Variants in NEGR1 observed in about 807,000 individuals in gnomAD.
NEGR1 encodes IgLON family member 4.
A neutral mutation model predicts 40.9 loss-of-function variants in NEGR1; 10 were observed. That is an observed-to-expected ratio of 0.24 (90% CI 0.15 to 0.42). The LOEUF is 0.42. NEGR1 is among the 10% of genes least tolerant of loss of function. The pLI is 1.00. For synonymous variants in NEGR1, 185 were observed against 166.8 expected, an observed-to-expected ratio of 1.11 and a Z score of -0.84; for missense variants, 352 against 438.9, an observed-to-expected ratio of 0.80 and a Z score of 1.77.
intron 1 of NEGR1, among the ~76,000 whole-genome samples, chr1:72,138,220 C>A (rs1257978715): frequency 6.7e-6 from 1 of 149,684 alleles, no homozygotes; most frequent in Non-Finnish European, 1.5e-5. Context: ...TTAGTTCATA[C>A]AACTAATTAT....
At chr1:72,214,451 T>C (rs529904526) in intron 1 of NEGR1, among the ~76,000 whole-genome samples, 2 of 152,230 alleles carry the variant, frequency 1.3e-5, no homozygotes, top group East Asian at 3.9e-4. Context: ...AACATGATTG[T>C]ATATTTAGAA....
chr1:71,449,912 A>G (rs1267769320), intron 6 of NEGR1, among the ~76,000 whole-genome samples: 1 of 151,954 alleles, frequency 6.6e-6, no homozygotes, highest in Non-Finnish European at 1.5e-5. Context: ...ATAAGCCAGG[A>G]ATTTTTTAAT....
At chr1:71,479,669 T>C (rs1032365319) in intron 6 of NEGR1, among the ~76,000 whole-genome samples, 1 of 151,986 alleles carries the variant, frequency 6.6e-6, no homozygotes, top group Non-Finnish European at 1.5e-5. Flanking sequence ...CCCAGTCTAA[T>C]TGAGTTATGG....
intron 2 of NEGR1, among the ~76,000 whole-genome samples, chr1:71,837,543 G>A (rs896097554): frequency 6.6e-6 from 1 of 151,968 alleles, no homozygotes; most frequent in Non-Finnish European, 1.5e-5. Context: ...ATTCAGTCAC[G>A]TTTGTTGCCC....
At chr1:72,072,403 G>A (rs1412119863) in intron 1 of NEGR1, among the ~76,000 whole-genome samples, 1 of 152,020 alleles carries the variant, frequency 6.6e-6, no homozygotes, top group African/African-American at 2.4e-5. Flanking sequence ...CCGGGGGACA[G>A]CTCTTAAAAT....
chr1:72,111,845 T>G (rs2100269846), intron 1 of NEGR1, among the ~76,000 whole-genome samples: 1 of 151,962 alleles, frequency 6.6e-6, no homozygotes, highest in South Asian at 2.1e-4. Flanking sequence ...TCCAATTTCC[T>G]GAAATATTTG....
intron 1 of NEGR1, among the ~76,000 whole-genome samples, chr1:72,066,851 G>C (rs114509423): frequency 1.3e-5 from 2 of 152,044 alleles, no homozygotes; most frequent in East Asian, 3.9e-4. Flanking sequence ...CACTGACCGA[G>C]TCAAAAATTT....
chr1:71,731,958 C>T (rs1229743043), intron 3 of NEGR1, among the ~76,000 whole-genome samples: 1 of 152,126 alleles, frequency 6.6e-6, no homozygotes, highest in African/African-American at 2.4e-5. Context: ...TGTGGAGATA[C>T]TAATTGACTC....
At chr1:72,044,797 T>A (rs1383944629) in intron 1 of NEGR1, among the ~76,000 whole-genome samples, 5 of 151,864 alleles carry the variant, frequency 3.3e-5, no homozygotes, top group African/African-American at 1.2e-4. Context: ...ATCAGATGTA[T>A]TTTTCTTTTA....
At chr1:71,787,199 GA>G (rs1214060048) in intron 2 of NEGR1, among the ~76,000 whole-genome samples, 2 of 152,124 alleles carry the variant, frequency 1.3e-5, no homozygotes, top group Non-Finnish European at 2.9e-5. Context: ...GTTTTTAAAA[GA>G]ATAAAGAAAA....
chr1:72,282,196 G>A, intron 1 of NEGR1, 123 bp downstream of exon 1: 2 of 1,150,506 alleles, frequency 1.7e-6, no homozygotes, highest in Non-Finnish European at 2.4e-6. Context: ...TTCTTGGGAT[G>A]TGGTCTTTCC....
chr1:71,421,909 T>G (rs1280925558), intron 6 of NEGR1, among the ~76,000 whole-genome samples: 1 of 146,884 alleles, frequency 6.8e-6, no homozygotes, highest in Non-Finnish European at 1.5e-5. Context: ...AATATCTCCT[T>G]GTTACACTTT....
At chr1:71,637,775 C>T (rs567102691) in intron 4 of NEGR1, among the ~76,000 whole-genome samples, 1 of 151,844 alleles carries the variant, frequency 6.6e-6, no homozygotes, top group Admixed American at 6.6e-5. Context: ...GCATCATTGG[C>T]GGTAGGCATG....
intron 1 of NEGR1, among the ~76,000 whole-genome samples, chr1:72,266,338 C>A (rs983506753): frequency 1.3e-5 from 2 of 150,782 alleles, no homozygotes; most frequent in African/African-American, 4.8e-5. Context: ...CACTGTCAAA[C>A]TAAACAGTAG....
intron 1 of NEGR1, among the ~76,000 whole-genome samples, chr1:71,937,732 A>C (rs1351126843): frequency 1.3e-5 from 2 of 152,174 alleles, no homozygotes; most frequent in Non-Finnish European, 2.9e-5. Flanking sequence ...TACTGCAAGT[A>C]ATTTCTTATT....
intron 2 of NEGR1, among the ~76,000 whole-genome samples, chr1:71,782,816 T>C (rs1349902827): frequency 6.6e-6 from 1 of 152,210 alleles, no homozygotes; most frequent in Non-Finnish European, 1.5e-5. Flanking sequence ...TCTCTGAGTT[T>C]AGGGATTAAA....
At chr1:71,976,603 A>G (rs181298113) in intron 1 of NEGR1, among the ~76,000 whole-genome samples, 2 of 152,250 alleles carry the variant, frequency 1.3e-5, no homozygotes, top group East Asian at 3.9e-4. Context: ...ATCTTTTTGT[A>G]TTTGGGATTT....
chr1:71,470,883 C>T (rs1646778157), intron 6 of NEGR1, among the ~76,000 whole-genome samples: 1 of 152,108 alleles, frequency 6.6e-6, no homozygotes, highest in Non-Finnish European at 1.5e-5. Context: ...CCACTACCAA[C>T]CCACCCAGCT....
intron 1 of NEGR1, among the ~76,000 whole-genome samples, chr1:72,164,916 A>G (rs1156329376): frequency 6.6e-6 from 1 of 152,068 alleles, no homozygotes; most frequent in African/African-American, 2.4e-5. Context: ...CTAACTTCCA[A>G]ATCAAATGTT....
Sources: gnomAD v4.1 joint callset for allele counts (sites outside exome capture counted in the v4.1 genomes callset) on GRCh38, gnomAD v4.1.1 for gene constraint, MANE v1.5 for transcripts, NCBI Gene and HGNC (gene_info 2026-07-23, HGNC 2026-07-21) for gene names.